Variants in SRD5A2 observed in about 807,000 individuals in gnomAD.
The protein encoded by SRD5A2 is 3-oxo-5-alpha-steroid 4-dehydrogenase 2.
SRD5A2 carries 30 observed loss-of-function variants against 27.4 expected under a neutral mutation model. The observed-to-expected ratio is 1.10, with a 90% CI of 0.82 to 1.49. The LOEUF is 1.49. Among genes scored for constraint, SRD5A2 ranks in the 40% most tolerant of loss-of-function variants. The pLI, the probability that SRD5A2 is intolerant of heterozygous loss-of-function variation, is 0.00. For missense variants in SRD5A2, 348 were observed against 323.4 expected, an observed-to-expected ratio of 1.08 and a Z score of -0.58; for synonymous variants, 141 against 133.6, an observed-to-expected ratio of 1.06 and a Z score of -0.38.
At chr2:31,539,095 C>T (rs76634885) in intron 1 of SRD5A2, among the ~76,000 whole-genome samples, 317 of 152,250 alleles carry the variant, frequency 2.1e-3, no homozygotes, top group African/African-American at 7.2e-3. Flanking sequence ...TTCCACATTC[C>T]TCCTGCTACA....
At chr2:31,527,229 T>C (rs1347809933) in intron 4 of SRD5A2, among the ~76,000 whole-genome samples, 1 of 152,148 alleles carries the variant, frequency 6.6e-6, no homozygotes, top group East Asian at 1.9e-4. Context: ...CCTGTCTGCT[T>C]AAGTTGCCAG....
chr2:31,526,322 T>G, intron 4 of SRD5A2, 60 bp from the exon 5 acceptor site: 1 of 1,117,962 alleles, frequency 8.9e-7, no homozygotes, highest in Non-Finnish European at 1.3e-6. Flanking sequence ...CAGCTGAGGT[T>G]TGCTCTTACC....
At chr2:31,621,303 T>C in the SRD5A2 span, among the ~76,000 whole-genome samples, 14 of 152,206 alleles carry the variant, frequency 9.2e-5, no homozygotes, top group Non-Finnish European at 7.4e-5. Flanking sequence ...ACCTAGAAAT[T>C]ATTAATCTGT....
intron 2 of SRD5A2, 107 bp from the exon 3 acceptor site, chr2:31,531,579 A>T: frequency 2.7e-6 from 2 of 743,388 alleles, no homozygotes; most frequent in Non-Finnish European, 4.5e-6. Context: ...TAATTTCTAA[A>T]TCTAAGAATG....
intron 1 of SRD5A2, among the ~76,000 whole-genome samples, chr2:31,578,186 T>A (rs929377848): frequency 6.6e-6 from 1 of 152,124 alleles, no homozygotes; most frequent in Non-Finnish European, 1.5e-5. Context: ...TTATGAGTAT[T>A]TTCTACTTTT....
the SRD5A2 span, among the ~76,000 whole-genome samples, chr2:31,650,017 T>C: frequency 6.6e-6 from 1 of 152,130 alleles, no homozygotes; most frequent in Admixed American, 6.6e-5. Flanking sequence ...CTCAACATTA[T>C]CAGTACCCAA....
intron 1 of SRD5A2, among the ~76,000 whole-genome samples, chr2:31,543,962 G>A (rs1235417047): frequency 6.6e-6 from 1 of 151,782 alleles, no homozygotes; most frequent in Non-Finnish European, 1.5e-5. Context: ...TAGCTCCAAA[G>A]ACACAAATAA....
At chr2:31,629,138 A>G in the SRD5A2 span, among the ~76,000 whole-genome samples, 2 of 152,144 alleles carry the variant, frequency 1.3e-5, no homozygotes, top group Non-Finnish European at 2.9e-5. Context: ...AGCACTAACC[A>G]TCTACCCATG....
chr2:31,655,491 C>T, the SRD5A2 span, among the ~76,000 whole-genome samples: 1 of 152,170 alleles, frequency 6.6e-6, no homozygotes, highest in Non-Finnish European at 1.5e-5. Flanking sequence ...TGAGCAAGCA[C>T]ATCATGGTTT....
the SRD5A2 span, among the ~76,000 whole-genome samples, chr2:31,648,979 C>T: frequency 6.6e-6 from 1 of 152,188 alleles, no homozygotes; most frequent in Non-Finnish European, 1.5e-5. Context: ...AGATGTGCTT[C>T]TCTTTCCTGG....
the SRD5A2 span, among the ~76,000 whole-genome samples, chr2:31,627,607 T>C: frequency 6.6e-6 from 1 of 152,172 alleles, no homozygotes; most frequent in Admixed American, 6.6e-5. Context: ...GGATACTTAG[T>C]AGTGTAAACT....
At chr2:31,597,866 A>G in the SRD5A2 span, among the ~76,000 whole-genome samples, 1 of 152,186 alleles carries the variant, frequency 6.6e-6, no homozygotes, top group Non-Finnish European at 1.5e-5. Flanking sequence ...AATGTAAACT[A>G]GTATAACCAC....
chr2:31,640,931 C>A, the SRD5A2 span, among the ~76,000 whole-genome samples: 34 of 152,194 alleles, frequency 2.2e-4, no homozygotes, highest in African/African-American at 7.9e-4. Flanking sequence ...AATTTCACTT[C>A]TTCCAATGAA....
chr2:31,559,318 G>C (rs900710984), intron 1 of SRD5A2, among the ~76,000 whole-genome samples: 1 of 152,042 alleles, frequency 6.6e-6, no homozygotes, highest in African/African-American at 2.4e-5. Context: ...AAATCCTATG[G>C]TATCTTTCCA....
At chr2:31,597,727 A>G in the SRD5A2 span, among the ~76,000 whole-genome samples, 1 of 152,222 alleles carries the variant, frequency 6.6e-6, no homozygotes, top group Admixed American at 6.5e-5. Flanking sequence ...ATGATCAGGG[A>G]AATGCAAATC....
At chr2:31,649,678 C>T in the SRD5A2 span, among the ~76,000 whole-genome samples, 1 of 151,938 alleles carries the variant, frequency 6.6e-6, no homozygotes, top group African/African-American at 2.4e-5. Context: ...AATCATTCAA[C>T]ACAATTTTCC....
At chr2:31,592,454 C>A in the SRD5A2 span, among the ~76,000 whole-genome samples, 4 of 152,204 alleles carry the variant, frequency 2.6e-5, no homozygotes, top group Non-Finnish European at 5.9e-5. Flanking sequence ...CCACTTCACT[C>A]CCCTGACACC....
chr2:31,632,229 C>G, the SRD5A2 span, among the ~76,000 whole-genome samples: 1 of 152,054 alleles, frequency 6.6e-6, no homozygotes, highest in Admixed American at 6.6e-5. Context: ...ATGGGACAAA[C>G]GACATAAGAA....
chr2:31,544,235 T>C lies in SRD5A2; in HGVS notation c.282-10469A>G, dbSNP rs948172883. ...GTAAAAAGAGACATTTCTGCAATAA[T>C]AGTTAAAGAATTCAATACCACACTG... On this transcript the variant is annotated intron_variant, in intron 1 of 4. Transcript: ENST00000622030. Among the ~76,000 whole-genome samples, 4 of 152,050 alleles carry C rather than the reference T, an allele frequency of 2.6e-5. No individual in the cohort carries two copies. The South Asian group carries it at 6.2e-4, about 24-fold the overall frequency.
Sources: allele counts gnomAD v4.1 joint callset (sites outside exome capture counted in the v4.1 genomes callset), GRCh38; gene constraint gnomAD v4.1.1; transcripts MANE v1.5; gene names NCBI Gene and HGNC (gene_info 2026-07-23, HGNC 2026-07-21).